MYOCD: variants seen among roughly 807,000 people sequenced by gnomAD.
MYOCD encodes myocardin.
MYOCD carries 32 observed loss-of-function variants against 96.1 expected under a neutral mutation model. That is an observed-to-expected ratio of 0.33 (90% CI 0.25 to 0.45). The LOEUF is 0.45. MYOCD is among the 20% of genes least tolerant of loss of function. MYOCD has a pLI of 1.00. For missense variants in MYOCD, 1,133 were observed against 1,200.6 expected (o/e 0.94, Z 0.83); for synonymous variants, 469 against 469.0 (o/e 1.00, Z 0.00).
intron 1 of MYOCD, among the ~76,000 whole-genome samples, chr17:12,684,930 C>T (rs2030021660): frequency 6.6e-6 from 1 of 151,776 alleles, no homozygotes; most frequent in African/African-American, 2.4e-5. Context: ...AGGGCTCTTT[C>T]ACAGCACAAG....
At chr17:12,730,994 G>A (rs987387306) in intron 5 of MYOCD, among the ~76,000 whole-genome samples, 2 of 152,302 alleles carry the variant, frequency 1.3e-5, no homozygotes, top group African/African-American at 4.8e-5. Flanking sequence ...GAGAGGCTCC[G>A]AGTCACCAGC....
intron 2 of MYOCD, among the ~76,000 whole-genome samples, chr17:12,713,789 T>C (rs1397836907): frequency 1.3e-5 from 2 of 152,122 alleles, no homozygotes. Context: ...TTATTAAGGA[T>C]GATGACCAGA....
intron 1 of MYOCD, among the ~76,000 whole-genome samples, chr17:12,694,307 G>C (rs936657725): frequency 6.6e-6 from 1 of 152,152 alleles, no homozygotes; most frequent in African/African-American, 2.4e-5. Context: ...TGTGCCCAGA[G>C]AGCAAGGTAG....
chr17:12,670,492 G>T (rs116696188), intron 1 of MYOCD, among the ~76,000 whole-genome samples: 2 of 151,866 alleles, frequency 1.3e-5, no homozygotes, highest in Non-Finnish European at 1.5e-5. Flanking sequence ...CGGTCCCCAA[G>T]ATTTTTATCA....
rs559977729 is a variant in MYOCD, at chr17:12,675,503, G to A, written c.55+9260G>A. ...GATGTGAAAAGATCTCCAAAACGTA[G>A]AATTAATTTTTTAAAATTCAGGTTA... On this transcript the variant is annotated intron_variant, in intron 1 of 13. Coordinates refer to ENST00000425538, the MANE Select transcript of MYOCD (RefSeq NM_001146312.3). Among the ~76,000 whole-genome samples the A allele has an allele frequency of 2.6e-5, 4 of 152,262 alleles. No individual in the cohort carries two copies. The East Asian group carries it at 7.7e-4, about 29-fold the overall frequency.
chr17:12,708,298 G>T (rs1422597810), intron 2 of MYOCD, among the ~76,000 whole-genome samples: 1 of 152,098 alleles, frequency 6.6e-6, no homozygotes, highest in Non-Finnish European at 1.5e-5. Flanking sequence ...TTATTCATAA[G>T]ATTTGAAATA....
At chr17:12,699,689 C>T (rs896638145) in intron 1 of MYOCD, among the ~76,000 whole-genome samples, 3 of 152,078 alleles carry the variant, frequency 2.0e-5, no homozygotes, top group African/African-American at 7.2e-5. Context: ...TTTCAGAACC[C>T]TAAATCTTTA....
chr17:12,677,737 C>A (rs948002960), intron 1 of MYOCD, among the ~76,000 whole-genome samples: 1 of 151,404 alleles, frequency 6.6e-6, no homozygotes, highest in African/African-American at 2.4e-5. Context: ...TATATTAATT[C>A]TCATATCAAT....
intron 12 of MYOCD, 162 bp downstream of exon 12, chr17:12,758,375 G>A: frequency 9.4e-7 from 1 of 1,068,982 alleles, no homozygotes; most frequent in Non-Finnish European, 1.3e-6. Flanking sequence ...TTGGAAAACA[G>A]TGTTGCATGT....
At chr17:12,756,293 AT>A in intron 10 of MYOCD, 120 bp from the exon 11 acceptor site, 1 of 1,182,120 alleles carries the variant, frequency 8.5e-7, no homozygotes, top group Non-Finnish European at 1.2e-6. Context: ...TGGTAATGGA[AT>A]TTAGGAAGGT....
chr17:12,700,141 C>T (rs2030992786), intron 1 of MYOCD, among the ~76,000 whole-genome samples: 1 of 151,818 alleles, frequency 6.6e-6, no homozygotes, highest in South Asian at 2.1e-4. Context: ...GGACTCCTGA[C>T]CTCGTGATCC....
rs1259192362 is a variant in MYOCD at position 12,763,891 on chromosome 17, G to A, written c.*247G>A. ...AAAAGAATGTGCTTTCTCAGATTAA[G>A]GATGCCAAAAAAGATATTTCACTGC... On this transcript the variant is annotated 3_prime_UTR_variant, in exon 14 of 14. Coordinates refer to ENST00000425538, the MANE Select transcript of MYOCD (RefSeq NM_001146312.3). 2 of 376,784 alleles carry A rather than the reference G, an allele frequency of 5.3e-6. No homozygotes were observed. Among genetic ancestry groups the A allele is most frequent in the Admixed American group, 8.7e-5 (2 of 23,120 alleles). 23.3% of individuals were successfully genotyped at this position (376,784 alleles called of 1,614,324 possible).
intron 1 of MYOCD, among the ~76,000 whole-genome samples, chr17:12,679,853 G>T (rs1041712034): frequency 5.3e-5 from 8 of 152,128 alleles, no homozygotes; most frequent in Non-Finnish European, 8.8e-5. Context: ...TTGTAGGGTA[G>T]GTACCTTTTT....
rs1480330100 is a variant in MYOCD at position 12,667,185 on chromosome 17, C to T, written c.55+942C>T. Among the ~76,000 whole-genome samples, 3 of 152,226 alleles carry T rather than the reference C, an allele frequency of 2.0e-5. No homozygotes were observed. The East Asian group carries it at 5.8e-4, about 29-fold the overall frequency. Reference sequence around the variant, plus strand: ...GTTGCTAAGCTAAAGTTTCCTTAGCCCTTCTACATGGGGCCAACTCAGTTG... The same window carrying T: ...GTTGCTAAGCTAAAGTTTCCTTAGCTCTTCTACATGGGGCCAACTCAGTTG... On this transcript the variant is annotated intron_variant, in intron 1 of 13. Coordinates refer to ENST00000425538, the MANE Select transcript of MYOCD (RefSeq NM_001146312.3).
At chr17:12,714,676 T>G (rs2031582977) in intron 2 of MYOCD, among the ~76,000 whole-genome samples, 1 of 152,152 alleles carries the variant, frequency 6.6e-6, no homozygotes, top group African/African-American at 2.4e-5. Context: ...AGGAGTTTAT[T>G]AAATCCCCAT....
At chr17:12,668,888 A>T (rs1909520136) in intron 1 of MYOCD, among the ~76,000 whole-genome samples, 1 of 152,154 alleles carries the variant, frequency 6.6e-6, no homozygotes, top group Admixed American at 6.5e-5. Context: ...ATTGATGTGC[A>T]GTGGGACCGG....
intron 1 of MYOCD, among the ~76,000 whole-genome samples, chr17:12,669,007 TAA>T (rs1450370791): frequency 3.3e-5 from 5 of 152,182 alleles, no homozygotes; most frequent in Non-Finnish European, 1.5e-5. Context: ...TGAAAACACA[TAA>T]AGATTGACTG....
intron 1 of MYOCD, among the ~76,000 whole-genome samples, chr17:12,684,845 CAAAAAAA>C (rs1190970523): frequency 1.5e-5 from 1 of 66,316 alleles, no homozygotes; most frequent in South Asian, 5.2e-4. Context: ...GAATTCGTCT[CAAAAAAA>C]AAAAAAAAAA....
chr17:12,735,860 C>A (rs2032323913), intron 5 of MYOCD, among the ~76,000 whole-genome samples: 3 of 152,144 alleles, frequency 2.0e-5, no homozygotes, highest in African/African-American at 7.2e-5. Flanking sequence ...TCCTTACCTT[C>A]CCCAGTTTAG....
Sources: gnomAD v4.1 joint callset for allele counts (sites outside exome capture counted in the v4.1 genomes callset) on GRCh38, gnomAD v4.1.1 for gene constraint, MANE v1.5 for transcripts, NCBI Gene and HGNC (gene_info 2026-07-23, HGNC 2026-07-21) for gene names.